TAF4B: variants seen among roughly 807,000 people sequenced by gnomAD.
The protein encoded by TAF4B is TATA-box binding protein associated factor 4b.
Under a neutral mutation model 86.4 loss-of-function variants are expected in TAF4B, and 38 were observed. That is an observed-to-expected ratio of 0.44 (90% confidence interval 0.34 to 0.58). The LOEUF is 0.58. TAF4B is among the 20% of genes least tolerant of loss of function. TAF4B has a pLI of 0.02. For synonymous variants in TAF4B, 388 were observed against 391.2 expected (o/e 0.99, Z 0.10); for missense variants, 988 against 1,027.6 (o/e 0.96, Z 0.53).
At chr18:26,228,619 A>G (rs77653011) in intron 1 of TAF4B, among the ~76,000 whole-genome samples, 2,942 of 140,026 alleles carry the variant, frequency 0.021, 85 homozygotes, top group African/African-American at 0.079. Context: ...TTGTTTATAA[A>G]TAGTCAAAAA....
At chr18:26,344,443 A>G (rs945641863) in intron 13 of TAF4B, among the ~76,000 whole-genome samples, 1 of 152,004 alleles carries the variant, frequency 6.6e-6, no homozygotes, top group African/African-American at 2.4e-5. Flanking sequence ...CTTTCAACTT[A>G]AAATCCTATA....
intron 5 of TAF4B, among the ~76,000 whole-genome samples, chr18:26,281,293 T>C (rs964339883): frequency 2.6e-5 from 4 of 152,112 alleles, no homozygotes; most frequent in Admixed American, 6.6e-5. Flanking sequence ...TCTAAGATCA[T>C]AGTTACCTTT....
intron 5 of TAF4B, among the ~76,000 whole-genome samples, chr18:26,281,143 A>G (rs1812735455): frequency 6.6e-6 from 1 of 152,164 alleles, no homozygotes; most frequent in African/African-American, 2.4e-5. Context: ...ACTACTAGAA[A>G]GTGGGAGTGA....
chr18:26,359,442 A>C (rs1489466845), intron 14 of TAF4B, among the ~76,000 whole-genome samples: 1 of 152,238 alleles, frequency 6.6e-6, no homozygotes, highest in Non-Finnish European at 1.5e-5. Flanking sequence ...AAATATATAC[A>C]AAGGCGGAGA....
intron 13 of TAF4B, among the ~76,000 whole-genome samples, chr18:26,351,872 A>G (rs1329610551): frequency 6.6e-6 from 1 of 152,186 alleles, no homozygotes; most frequent in Non-Finnish European, 1.5e-5. Context: ...TGTGTAATAT[A>G]TAAGACAACT....
In TAF4B at chr18:26,376,058, A is replaced by G. The variant is rs576053227; in HGVS notation, c.2422-13787A>G. Among the ~76,000 whole-genome samples the G allele has an allele frequency of 5.9e-5, 9 of 152,282 alleles. No individual in the cohort carries two copies. In the East Asian group the frequency reaches 1.3e-3, roughly 23 times the overall value. ...CTAGGATCTCGATTCTATTTCATCAATCTATGTATCTGTCCTTACACCAGT... is the reference window on the plus strand; with the variant it reads ...CTAGGATCTCGATTCTATTTCATCAGTCTATGTATCTGTCCTTACACCAGT... On this transcript the variant is annotated intron_variant, in intron 14 of 14. Coordinates refer to ENST00000269142, the MANE Select transcript of TAF4B (RefSeq NM_005640.3).
intron 10 of TAF4B, among the ~76,000 whole-genome samples, chr18:26,319,746 C>T (rs1034445887): frequency 1.3e-5 from 2 of 151,986 alleles, no homozygotes; most frequent in Admixed American, 6.6e-5. Context: ...TGCACCACCA[C>T]GACCAGCTAT....
intron 14 of TAF4B, among the ~76,000 whole-genome samples, chr18:26,374,644 G>T (rs1427699001): frequency 1.3e-5 from 2 of 152,196 alleles, no homozygotes; most frequent in Non-Finnish European, 2.9e-5. Flanking sequence ...CCTTTTCATA[G>T]TTTAAATGAT....
intron 14 of TAF4B, among the ~76,000 whole-genome samples, chr18:26,372,329 A>C (rs2057411160): frequency 6.6e-6 from 1 of 152,204 alleles, no homozygotes; most frequent in African/African-American, 2.4e-5. Flanking sequence ...TTGGCTTTGG[A>C]GAGTGACAGT....
intron 1 of TAF4B, among the ~76,000 whole-genome samples, chr18:26,261,295 G>A (rs2056163342): frequency 6.8e-6 from 1 of 147,288 alleles, no homozygotes; most frequent in Non-Finnish European, 1.5e-5. Flanking sequence ...CCGCCTCCCG[G>A]GTTCACGCCA....
At chr18:26,287,448 T>C (rs533739078) in intron 7 of TAF4B, among the ~76,000 whole-genome samples, 1 of 152,342 alleles carries the variant, frequency 6.6e-6, no homozygotes, top group East Asian at 1.9e-4. Flanking sequence ...TGGGAGGTTC[T>C]TGGGTGAAAG....
At chr18:26,246,886 T>G (rs1170325031) in intron 1 of TAF4B, among the ~76,000 whole-genome samples, 1 of 151,050 alleles carries the variant, frequency 6.6e-6, no homozygotes, top group Non-Finnish European at 1.5e-5. Flanking sequence ...GTTTCACTCT[T>G]GTTGCCCAGG....
chr18:26,226,817 C>G lies in TAF4B; in HGVS notation c.-117C>G. On this transcript the variant is annotated 5_prime_UTR_variant, in exon 1 of 15. Coordinates refer to ENST00000269142, the MANE Select transcript of TAF4B (RefSeq NM_005640.3). ...CTTCGCTGCTGCGGCCCCCGCGCCT[C>G]TCCCCAGCGATGCTGTGGAACCCGA... The G allele has an allele frequency of 1.2e-6, 1 of 812,936 alleles. No homozygotes were observed. The highest frequency in any genetic ancestry group is 1.7e-6 in the Non-Finnish European group (1 of 586,570). The allele number at this position is 812,936 out of a possible 1,614,324, so 50.4% of individuals were successfully genotyped here. A position where few individuals can be genotyped will look rare whatever the true frequency, so the allele number is the denominator to read the frequency against.
At chr18:26,368,170 A>G (rs1404671559) in intron 14 of TAF4B, among the ~76,000 whole-genome samples, 1 of 152,208 alleles carries the variant, frequency 6.6e-6, no homozygotes, top group Non-Finnish European at 1.5e-5. Context: ...TTTATAACTT[A>G]GAAATGTGTA....
chr18:26,324,675 G>A (rs2056990369), intron 11 of TAF4B, among the ~76,000 whole-genome samples: 2 of 152,078 alleles, frequency 1.3e-5, no homozygotes, highest in Admixed American at 6.6e-5. Flanking sequence ...TTAACCTGCT[G>A]TCTTGTATAC....
At chr18:26,306,841 G>A (rs901391383) in intron 9 of TAF4B, among the ~76,000 whole-genome samples, 2 of 151,274 alleles carry the variant, frequency 1.3e-5, no homozygotes, top group Non-Finnish European at 2.9e-5. Context: ...TGCAGTGCAC[G>A]ATCTCGGCTC....
At chr18:26,243,104 G>T (rs1005973566) in intron 1 of TAF4B, among the ~76,000 whole-genome samples, 1 of 152,092 alleles carries the variant, frequency 6.6e-6, no homozygotes, top group East Asian at 1.9e-4. Flanking sequence ...GGCGTTCTCT[G>T]TATTTCCTGA....
intron 14 of TAF4B, among the ~76,000 whole-genome samples, chr18:26,364,824 C>G (rs1036707639): frequency 6.6e-6 from 1 of 152,066 alleles, no homozygotes; most frequent in Non-Finnish European, 1.5e-5. Context: ...CAGTTGATTT[C>G]ATAATGCTGA....
intron 1 of TAF4B, chr18:26,256,326 C>T (rs746600539): frequency 1.0e-5 from 15 of 1,453,830 alleles, no homozygotes; most frequent in South Asian, 4.6e-5. Flanking sequence ...CTCTATACTT[C>T]GGTACATCTT....
Sources: allele counts gnomAD v4.1 joint callset (sites outside exome capture counted in the v4.1 genomes callset), GRCh38; gene constraint gnomAD v4.1.1; transcripts MANE v1.5; gene names NCBI Gene and HGNC (gene_info 2026-07-23, HGNC 2026-07-21).